Variants in BACH2 observed in about 807,000 individuals in gnomAD.
The protein encoded by BACH2 is transcription regulator protein BACH2.
In BACH2, 5 loss-of-function variants were observed where a neutral mutation model predicts 61.8. The observed-to-expected ratio is 0.08, with a 90% CI of 0.04 to 0.17. The LOEUF (loss-of-function observed/expected upper bound fraction) is 0.17. Ranked by LOEUF, BACH2 falls within the 10% of genes least tolerant of loss-of-function variation. The probability of loss-of-function intolerance (pLI) is 1.00; values close to 1 mark genes in which losing one functional copy is unlikely to be tolerated. For missense variants in BACH2, 824 were observed against 1,091.1 expected, an observed-to-expected ratio of 0.76 and a Z score of 3.45; for synonymous variants, 446 against 440.1, an observed-to-expected ratio of 1.01 and a Z score of -0.17.
chr6:90,024,123 T>C (rs1193699538), intron 5 of BACH2, among the ~76,000 whole-genome samples: 2 of 147,224 alleles, frequency 1.4e-5, no homozygotes, highest in Non-Finnish European at 3.0e-5. Context: ...ATTTGTTTTA[T>C]GCACTTTTCT....
chr6:89,985,181 C>T (rs1247887292), intron 6 of BACH2, among the ~76,000 whole-genome samples: 1 of 152,210 alleles, frequency 6.6e-6, no homozygotes, highest in East Asian at 1.9e-4. Context: ...GGCAGCACTG[C>T]TATCTTTCCT....
At chr6:90,123,710 C>G (rs1783729535) in intron 4 of BACH2, among the ~76,000 whole-genome samples, 1 of 128,156 alleles carries the variant, frequency 7.8e-6, no homozygotes, top group Non-Finnish European at 1.5e-5. Flanking sequence ...GCGGAGCTTG[C>G]AGTGAGCCGA....
intron 7 of BACH2, among the ~76,000 whole-genome samples, chr6:89,947,813 C>T (rs964073001): frequency 1.4e-4 from 22 of 152,070 alleles, no homozygotes; most frequent in Middle Eastern, 3.4e-3. Context: ...CCTTGTGATT[C>T]GCCCGCCTCG....
At chr6:90,092,528 G>A (rs1325796259) in intron 4 of BACH2, among the ~76,000 whole-genome samples, 7 of 151,800 alleles carry the variant, frequency 4.6e-5, no homozygotes, top group Non-Finnish European at 8.8e-5. Context: ...CCCACTCACT[G>A]CCTCGGAGCC....
At chr6:90,172,910 A>T (rs747290533) in intron 4 of BACH2, among the ~76,000 whole-genome samples, 1 of 152,060 alleles carries the variant, frequency 6.6e-6, no homozygotes, top group Non-Finnish European at 1.5e-5. Context: ...CTATAAACCA[A>T]ATAACCATGG....
intron 4 of BACH2, among the ~76,000 whole-genome samples, chr6:90,152,058 T>C (rs1044695268): frequency 6.6e-6 from 1 of 152,256 alleles, no homozygotes; most frequent in Non-Finnish European, 1.5e-5. Context: ...TTATTTTCTC[T>C]GCAGCAATAA....
intron 2 of BACH2, among the ~76,000 whole-genome samples, chr6:90,256,668 A>G (rs1393803560): frequency 6.6e-6 from 1 of 152,186 alleles, no homozygotes; most frequent in African/African-American, 2.4e-5. Flanking sequence ...ATACAACGTG[A>G]TGTTATAGGC....
At position 90,050,686 on chromosome 6, in the gene BACH2, T is replaced by C. The variant is rs59963376; in HGVS notation, c.-13+38275A>G. On this transcript the variant is annotated intron_variant, in intron 5 of 8. Coordinates refer to ENST00000257749, the MANE Select transcript of BACH2 (RefSeq NM_021813.4). ...TTACTGTGATTTTAAAATTAACTAA[T>C]AGATACTTTAAATGTTCAGTTTTAA... Among the ~76,000 whole-genome samples the C allele has an allele frequency of 6.0e-3, 907 of 152,300 alleles. 53 individuals are homozygous for C. In the East Asian group the frequency reaches 0.14, roughly 23 times the overall value.
At position 90,008,871 on chromosome 6, in the gene BACH2, GAAAC is replaced by G. The variant is rs753739751; in HGVS notation, c.-12-19_-12-16del. The G allele has an allele frequency of 5.6e-6, 9 of 1,608,044 alleles. No homozygotes were observed. Among genetic ancestry groups the G allele is most frequent in the African/African-American group, 2.7e-5 (2 of 74,528 alleles). On this transcript the variant is annotated splice_polypyrimidine_tract_variant and intron_variant, in intron 5 of 8. Transcript: ENST00000257749. This position sits in a 1 kb window ranked among gnomAD's most constrained non-coding sequence, Gnocchi z 4.1. Reference sequence around the variant, plus strand: ...CCGTTCACACCCTGAAAGAAAGAAAGAAACAAAGAAAGAAAGAAAGAAAGGCTGA... The same window carrying G: ...CCGTTCACACCCTGAAAGAAAGAAAGAAAGAAAGAAAGAAAGAAAGGCTGA...
intron 3 of BACH2, among the ~76,000 whole-genome samples, chr6:90,236,509 A>C (rs1251062951): frequency 6.6e-6 from 1 of 152,204 alleles, no homozygotes; most frequent in African/African-American, 2.4e-5. Flanking sequence ...AAGGAAGAGA[A>C]GTCTTCGGAA....
chr6:90,089,558 T>G (rs1782074808), intron 4 of BACH2, among the ~76,000 whole-genome samples: 1 of 152,186 alleles, frequency 6.6e-6, no homozygotes, highest in South Asian at 2.1e-4. Context: ...ATGAGATGAT[T>G]CCCTGATGCC....
chr6:89,978,222 C>T (rs756895758), intron 6 of BACH2, among the ~76,000 whole-genome samples: 2 of 152,182 alleles, frequency 1.3e-5, no homozygotes, highest in Non-Finnish European at 2.9e-5. Flanking sequence ...AGAACTGGGA[C>T]ATTTTATGCT....
chr6:90,255,960 C>G (rs1770964396), intron 2 of BACH2, among the ~76,000 whole-genome samples: 1 of 152,128 alleles, frequency 6.6e-6, no homozygotes, highest in Non-Finnish European at 1.5e-5. Flanking sequence ...CAAAATGTAC[C>G]GAAACACTGA....
chr6:90,296,333 G>A (rs545549773), intron 1 of BACH2, 147 bp downstream of exon 1: 3 of 151,354 alleles, frequency 2.0e-5, no homozygotes, highest in Admixed American at 1.3e-4. Flanking sequence ...GGCGCGGGGA[G>A]GGCGGCTGCG....
intron 1 of BACH2, among the ~76,000 whole-genome samples, chr6:90,293,620 C>A (rs1772249310): frequency 6.6e-6 from 1 of 152,218 alleles, no homozygotes; most frequent in African/African-American, 2.4e-5. Context: ...CCCTCTGTGA[C>A]TCACTTTGAT....
chr6:89,935,464 G>A (rs1772962812), intron 8 of BACH2, among the ~76,000 whole-genome samples: 2 of 152,182 alleles, frequency 1.3e-5, no homozygotes, highest in Non-Finnish European at 2.9e-5. Context: ...CCACTTTCTA[G>A]GGGGAAGAAA....
intron 7 of BACH2, among the ~76,000 whole-genome samples, chr6:89,941,777 T>G (rs942727099): frequency 9.2e-5 from 14 of 152,200 alleles, no homozygotes; most frequent in African/African-American, 3.4e-4. Flanking sequence ...GCTTCTGCTC[T>G]AAATGTGTTT....
intron 3 of BACH2, among the ~76,000 whole-genome samples, chr6:90,239,250 C>T (rs1339888341): frequency 1.3e-5 from 2 of 152,140 alleles, no homozygotes. Context: ...TTAGGGTTGG[C>T]GGATTTAGTT....
At chr6:90,057,838 G>A (rs1003231969) in intron 5 of BACH2, among the ~76,000 whole-genome samples, 24 of 152,230 alleles carry the variant, frequency 1.6e-4, no homozygotes, top group African/African-American at 4.8e-4. Flanking sequence ...ATCAGTAAAC[G>A]TAATCCAACA....
Sources: gnomAD v4.1 joint callset for allele counts (sites outside exome capture counted in the v4.1 genomes callset) on GRCh38, gnomAD v4.1.1 for gene constraint, Gnocchi (gnomAD v3.1) non-coding constraint, MANE v1.5 for transcripts, NCBI Gene and HGNC (gene_info 2026-07-23, HGNC 2026-07-21) for gene names.